Variants in NIPSNAP1 observed in about 807,000 individuals in gnomAD.
The protein encoded by NIPSNAP1 is nipsnap homolog 1, also known as protein NipSnap homolog 1.
Under a neutral mutation model 49.2 loss-of-function variants are expected in NIPSNAP1, and 25 were observed. The observed-to-expected ratio is 0.51, with a 90% CI of 0.37 to 0.71. The LOEUF (loss-of-function observed/expected upper bound fraction) is 0.71. Ranked by LOEUF, NIPSNAP1 falls within the 30% of genes least tolerant of loss-of-function variation. The pLI is 0.00. For missense variants in NIPSNAP1, 294 were observed against 361.0 expected (o/e 0.81, Z 1.50); for synonymous variants, 143 against 140.7 (o/e 1.02, Z -0.12).
chr22:29,564,430 G>A (rs1443985543), intron 4 of NIPSNAP1: 1 of 469,966 alleles, frequency 2.1e-6, no homozygotes, highest in Non-Finnish European at 4.4e-6. Flanking sequence ...GCAAGAGGAA[G>A]GAATTTTCTT....
chr22:29,556,998 C>G (rs1490636083), intron 9 of NIPSNAP1, among the ~76,000 whole-genome samples: 1 of 152,222 alleles, frequency 6.6e-6, no homozygotes, highest in Non-Finnish European at 1.5e-5. Context: ...ATCTGCCCAC[C>G]TCAGCCTCCC....
intron 1 of NIPSNAP1, among the ~76,000 whole-genome samples, chr22:29,571,918 G>A (rs1452201596): frequency 6.6e-6 from 1 of 151,850 alleles, no homozygotes; most frequent in Non-Finnish European, 1.5e-5. Flanking sequence ...TGAGATTACA[G>A]GCGCGTACCA....
chr22:29,556,027 CAGG>C (rs2064291934), intron 9 of NIPSNAP1, 28 bp from the exon 10 acceptor site: 2 of 1,549,782 alleles, frequency 1.3e-6, no homozygotes, highest in Non-Finnish European at 1.7e-6. Context: ...AGAGGTCACA[CAGG>C]GGGCTCAAGC....
At chr22:29,569,140 C>T in intron 4 of NIPSNAP1, 53 bp downstream of exon 4, 1 of 1,475,568 alleles carries the variant, frequency 6.8e-7, no homozygotes, top group South Asian at 1.2e-5. Context: ...GTGAAAGGTG[C>T]TGGAGGCCAG....
At chr22:29,576,571 G>C (rs531476506) in intron 1 of NIPSNAP1, among the ~76,000 whole-genome samples, 4 of 151,442 alleles carry the variant, frequency 2.6e-5, no homozygotes, top group African/African-American at 9.8e-5. Flanking sequence ...ATGAATGAAA[G>C]AGGAGCTAAG....
chr22:29,573,684 C>T (rs919642615), intron 1 of NIPSNAP1, among the ~76,000 whole-genome samples: 5 of 151,344 alleles, frequency 3.3e-5, no homozygotes, highest in Non-Finnish European at 5.9e-5. Context: ...AGGAGAATTG[C>T]TTGAACCCAG....
intron 1 of NIPSNAP1, among the ~76,000 whole-genome samples, chr22:29,575,210 G>C (rs1185720614): frequency 6.6e-6 from 1 of 152,142 alleles, no homozygotes; most frequent in Non-Finnish European, 1.5e-5. Context: ...GGACTAGACA[G>C]AGTAATTTAT....
chr22:29,572,683 C>T (rs1244490732), intron 1 of NIPSNAP1, among the ~76,000 whole-genome samples: 1 of 151,862 alleles, frequency 6.6e-6, no homozygotes, highest in Non-Finnish European at 1.5e-5. Flanking sequence ...GCCTGTAGTC[C>T]CACTACTTGG....
intron 1 of NIPSNAP1, among the ~76,000 whole-genome samples, chr22:29,575,929 G>T (rs1438510115): frequency 6.6e-6 from 1 of 151,532 alleles, no homozygotes; most frequent in Admixed American, 6.6e-5. Flanking sequence ...AGCCAGGCTG[G>T]TCTCGAACTC....
intron 1 of NIPSNAP1, among the ~76,000 whole-genome samples, chr22:29,579,316 G>C (rs577598233): frequency 1.0e-5 from 1 of 98,888 alleles, no homozygotes; most frequent in Non-Finnish European, 1.9e-5. Context: ...TTTTTTTTGA[G>C]ACAGAGTCTC....
intron 4 of NIPSNAP1, 142 bp from the exon 5 acceptor site, chr22:29,562,004 C>T (rs1236548910): frequency 5.7e-6 from 4 of 702,724 alleles, no homozygotes; most frequent in Non-Finnish European, 1.0e-5. Context: ...GTTCCCTCTG[C>T]CTTGGTGGAA....
At chr22:29,558,288 G>A (rs1771605562) in intron 9 of NIPSNAP1, among the ~76,000 whole-genome samples, 1 of 151,948 alleles carries the variant, frequency 6.6e-6, no homozygotes, top group Non-Finnish European at 1.5e-5. Context: ...TGGCCAACAT[G>A]ATAAAACCCC....
intron 9 of NIPSNAP1, 135 bp downstream of exon 9, chr22:29,558,735 A>T: frequency 1.3e-6 from 1 of 750,622 alleles, no homozygotes; most frequent in Non-Finnish European, 2.4e-6. Context: ...ACTTGGATAG[A>T]AACCCATTAA....
At chr22:29,559,115 A>G (rs1335317269) in intron 8 of NIPSNAP1, among the ~76,000 whole-genome samples, 162 bp from the exon 9 acceptor site, 2 of 152,156 alleles carry the variant, frequency 1.3e-5, no homozygotes. Context: ...TTAATCATCC[A>G]TCCAATCAGT....
rs376217851 is a variant in NIPSNAP1 at position 29,574,284 on chromosome 22, A to AGAAAAGAAAG, written c.99-3753_99-3752insCTTTCTTTTC. Among the ~76,000 whole-genome samples the AGAAAAGAAAG allele has an allele frequency of 5.0e-3, 520 of 103,152 alleles. 32 individuals carry two copies. Among genetic ancestry groups the AGAAAAGAAAG allele is most frequent in the East Asian group, 0.049 (77 of 1,556 alleles). The allele number at this position is 103,152 out of a possible 152,430, so 67.7% of individuals were successfully genotyped here. ...CACAAAAAAAAAAAAAAAAAAAAAA[A>AGAAAAGAAAG]AAAAAAAAGAAAGAAAAAGAAAAGA... On this transcript the variant is annotated intron_variant, in intron 1 of 9. Coordinates refer to ENST00000216121, the MANE Select transcript of NIPSNAP1 (RefSeq NM_003634.4).
chr22:29,577,895 ATTTTTTT>A lies in NIPSNAP1; in HGVS notation c.98+3083_98+3089del, dbSNP rs34431643. Reference sequence around the variant, plus strand: ...ATACAGGAACACACCACCATGCCTAATTTTTTTTTTTTTTTTTTTTTGAGACAGAGTC... The same window carrying A: ...ATACAGGAACACACCACCATGCCTAATTTTTTTTTTTTTTGAGACAGAGTC... On this transcript the variant is annotated intron_variant, in intron 1 of 9. Transcript: ENST00000216121. Among the ~76,000 whole-genome samples the A allele has an allele frequency of 1.5e-4, 15 of 99,388 alleles. No individual in the cohort carries two copies. In the East Asian group the frequency reaches 3.1e-3, roughly 20 times the overall value. The allele number at this position is 99,388 out of a possible 152,430, so 65.2% of individuals were successfully genotyped here. A position where few individuals can be genotyped will look rare whatever the true frequency, so the allele number is the denominator to read the frequency against.
chr22:29,555,996 G>T lies in NIPSNAP1; in HGVS notation c.794C>A (p.Pro265His). 6.5e-7 allele frequency: 1 copy of T among 1,549,826 alleles called. No individual in the cohort carries two copies. The change falls in exon 10 of 10, where the codon CCC (proline) becomes CAC (histidine). Residue 265 changes from proline (P) to histidine (H), a missense_variant. Around this residue, in one of 4 missense-constraint regions of NIPSNAP1, gnomAD observed 146 missense variants for 219.9 expected, o/e 0.66. Coordinates refer to ENST00000216121, the MANE Select transcript of NIPSNAP1 (RefSeq NM_003634.4). ...GWDENVYYTV[P>H]LVRHMESRIM... ...CCTAGACTCCATGTGTCGCACCAGG[G>T]GGACTGCGGAGAGAGAAGGCAGAGG...
intron 9 of NIPSNAP1, among the ~76,000 whole-genome samples, chr22:29,557,740 C>T (rs1469528120): frequency 6.6e-6 from 1 of 152,214 alleles, no homozygotes; most frequent in Non-Finnish European, 1.5e-5. Context: ...TGGGACCACA[C>T]TGAATAGCAA....
At position 29,569,754 on chromosome 22, in the gene NIPSNAP1, C is replaced by T. The variant is rs111952631; in HGVS notation, c.272+408G>A. 5.1e-4 allele frequency: 171 copies of T among 332,828 alleles called. 3 individuals are homozygous for T. Among genetic ancestry groups the T allele is most frequent in the African/African-American group, 3.5e-3 (162 of 46,522 alleles). 20.6% of individuals were successfully genotyped at this position (332,828 alleles called of 1,614,324 possible). A position where few individuals can be genotyped will look rare whatever the true frequency, so the allele number is the denominator to read the frequency against. ...GCCTGTAATCCCAGCACTCGGAGGC[C>T]GAGGCAGGTGGATCACCTGAGGTCA... On this transcript the variant is annotated intron_variant, in intron 3 of 9. Transcript: ENST00000216121.
Sources: gnomAD v4.1 joint callset for allele counts (sites outside exome capture counted in the v4.1 genomes callset) on GRCh38, gnomAD v4.1.1 for gene constraint, gnomAD v4.1.1 regional missense constraint, MANE v1.5 for transcripts, NCBI Gene and HGNC (gene_info 2026-07-23, HGNC 2026-07-21) for gene names.